UVRAG: variants seen among roughly 807,000 people sequenced by gnomAD.
UVRAG encodes the protein UV radiation resistance-associated gene protein.
Under a neutral mutation model 78.0 loss-of-function variants are expected in UVRAG, and 19 were observed. The observed-to-expected ratio is 0.24, with a 90% CI of 0.17 to 0.36. The LOEUF is 0.36. UVRAG is among the 10% of genes least tolerant of loss of function. The pLI, the probability that UVRAG is intolerant of heterozygous loss-of-function variation, is 1.00. For synonymous variants in UVRAG, 323 were observed against 324.6 expected, an observed-to-expected ratio of 1.00 and a Z score of 0.05; for missense variants, 740 against 853.8, an observed-to-expected ratio of 0.87 and a Z score of 1.66.
chr11:75,843,423 A>G (rs1945959053), intron 1 of UVRAG, among the ~76,000 whole-genome samples: 1 of 152,236 alleles, frequency 6.6e-6, no homozygotes, highest in South Asian at 2.1e-4. Context: ...TTACAGTATA[A>G]GTTCTTTCCC....
chr11:76,063,951 A>G (rs1165913472), intron 12 of UVRAG, among the ~76,000 whole-genome samples: 1 of 152,252 alleles, frequency 6.6e-6, no homozygotes, highest in Non-Finnish European at 1.5e-5. Context: ...CTATTATACT[A>G]TTCAACTTCA....
chr11:75,896,739 A>G (rs916917852), intron 5 of UVRAG, among the ~76,000 whole-genome samples: 5 of 152,230 alleles, frequency 3.3e-5, no homozygotes, highest in South Asian at 2.1e-4. Flanking sequence ...GAGAATAAAA[A>G]TCTTGAGTAG....
At chr11:75,850,320 C>T (rs1485061455) in intron 1 of UVRAG, among the ~76,000 whole-genome samples, 1 of 152,184 alleles carries the variant, frequency 6.6e-6, no homozygotes, top group African/African-American at 2.4e-5. Flanking sequence ...CAGGAATCTT[C>T]TTTCCTAAAC....
chr11:76,130,873 G>T (rs988039190), intron 14 of UVRAG, among the ~76,000 whole-genome samples: 6 of 151,904 alleles, frequency 3.9e-5, no homozygotes, highest in African/African-American at 1.4e-4. Flanking sequence ...CTGGGGGCTG[G>T]GTTCTGTGAG....
chr11:76,103,076 T>G lies in UVRAG; in HGVS notation c.1306-12848T>G, dbSNP rs548257382. 6.6e-5 allele frequency among the ~76,000 whole-genome samples: 10 copies of G among 152,332 alleles called. No homozygotes were observed. The South Asian group carries it at 2.1e-3, about 32-fold the overall frequency. ...TGCTACTAGAAGCTATCCACATTTC[T>G]TCTTACATGACCCTCCATCTTCAGA... is the stretch of plus-strand genomic sequence containing the variant. On this transcript the variant is annotated intron_variant, in intron 13 of 14. Coordinates refer to ENST00000356136, the MANE Select transcript of UVRAG (RefSeq NM_003369.4).
intron 12 of UVRAG, among the ~76,000 whole-genome samples, chr11:76,062,387 A>G (rs750441364): frequency 3.9e-5 from 6 of 152,200 alleles, no homozygotes; most frequent in Non-Finnish European, 8.8e-5. Context: ...GCCCTTCTCT[A>G]CTTGGCTGCC....
chr11:75,977,449 C>G (rs1309399336), intron 7 of UVRAG, among the ~76,000 whole-genome samples: 2 of 152,130 alleles, frequency 1.3e-5, no homozygotes, highest in East Asian at 3.8e-4. Flanking sequence ...TCTCGTTGAT[C>G]TGTCTAATGT....
chr11:76,058,533 CCAA>C (rs1951023836), intron 12 of UVRAG, among the ~76,000 whole-genome samples: 1 of 93,206 alleles, frequency 1.1e-5, no homozygotes, highest in African/African-American at 3.7e-5. Context: ...GACCCTATCT[CCAA>C]AAAAAAAAAA....
intron 8 of UVRAG, among the ~76,000 whole-genome samples, chr11:75,986,496 A>G (rs1393105181): frequency 1.3e-5 from 2 of 152,132 alleles, no homozygotes; most frequent in African/African-American, 4.8e-5. Context: ...TGCTGTGGTT[A>G]TTTATTTACA....
Position 76,099,645 on chromosome 11 carries a change from C to G in UVRAG, c.1306-16279C>G, listed in dbSNP as rs1951845835. On this transcript the variant is annotated intron_variant, in intron 13 of 14. Coordinates refer to ENST00000356136, the MANE Select transcript of UVRAG (RefSeq NM_003369.4). ...ACTTACTAATATCTTCTTTTACATCCCTCAATAGAATATTAAAGTTTTCTT... is the reference window on the plus strand; with the variant it reads ...ACTTACTAATATCTTCTTTTACATCGCTCAATAGAATATTAAAGTTTTCTT... Among the ~76,000 whole-genome samples, 4 of 151,964 alleles carry G rather than the reference C, an allele frequency of 2.6e-5. No individual in the cohort carries two copies. In the South Asian group the frequency reaches 8.3e-4, roughly 32 times the overall value.
intron 12 of UVRAG, 100 bp from the exon 13 acceptor site, chr11:76,065,610 T>C: frequency 1.0e-6 from 1 of 969,140 alleles, no homozygotes; most frequent in Non-Finnish European, 1.6e-6. Flanking sequence ...CCAATTCAGA[T>C]GTTTATGCTG....
In UVRAG at chr11:76,107,813, A is replaced by G. The variant is rs143255563; in HGVS notation, c.1306-8111A>G. 5.7e-3 allele frequency among the ~76,000 whole-genome samples: 873 copies of G among 152,136 alleles called. 6 individuals carry two copies. Among genetic ancestry groups the G allele is most frequent in the African/African-American group, 0.02 (829 of 41,496 alleles). On this transcript the variant is annotated intron_variant, in intron 13 of 14. Coordinates refer to ENST00000356136, the MANE Select transcript of UVRAG (RefSeq NM_003369.4). ...TGGTACTCTTTTTTTTCAAGCGCATAATCTAGTTCTTTTCATGTCAGTGAA... is the reference window on the plus strand; with the variant it reads ...TGGTACTCTTTTTTTTCAAGCGCATGATCTAGTTCTTTTCATGTCAGTGAA...
intron 13 of UVRAG, among the ~76,000 whole-genome samples, chr11:76,071,314 T>C (rs2134392911): frequency 6.6e-6 from 1 of 152,276 alleles, no homozygotes; most frequent in East Asian, 1.9e-4. Flanking sequence ...AGAAAGTTCC[T>C]GAAGGTCATG....
intron 5 of UVRAG, among the ~76,000 whole-genome samples, chr11:75,908,348 C>A (rs1947662882): frequency 6.6e-6 from 1 of 152,094 alleles, no homozygotes; most frequent in African/African-American, 2.4e-5. Flanking sequence ...TGCTTCCACC[C>A]CTTGGCTATT....
rs1949901965 is a variant in UVRAG at position 76,005,000 on chromosome 11, C to G, written c.911+911C>G. 3.3e-5 allele frequency among the ~76,000 whole-genome samples: 5 copies of G among 152,124 alleles called. No homozygotes were observed. In the South Asian group the frequency reaches 1.0e-3, roughly 31 times the overall value. ...TCTTCACTTGCTTTTCCTGGAAAAT[C>G]CATCCATCATGCACTTTTCTTCAAA... On this transcript the variant is annotated intron_variant, in intron 9 of 14. Transcript: ENST00000356136.
chr11:76,046,850 G>A (rs550119126), intron 12 of UVRAG, among the ~76,000 whole-genome samples: 85 of 152,312 alleles, frequency 5.6e-4, no homozygotes, highest in African/African-American at 2.0e-3. Context: ...TAAGCTTGGA[G>A]GTCTAGGAAT....
chr11:75,911,692 G>T, intron 5 of UVRAG: 1 of 280,612 alleles, frequency 3.6e-6, no homozygotes, highest in Non-Finnish European at 6.7e-6. Context: ...TGGGAGGGAA[G>T]GCCGCGGGAC....
At chr11:75,930,623 G>C (rs1372461095) in intron 6 of UVRAG, among the ~76,000 whole-genome samples, 1 of 152,174 alleles carries the variant, frequency 6.6e-6, no homozygotes, top group Non-Finnish European at 1.5e-5. Context: ...ACACGGAGCT[G>C]TCCCCTGTAG....
rs79581934 is a variant in UVRAG, at chr11:75,952,220, A to G, written c.594-9224A>G. Among the ~76,000 whole-genome samples the G allele has an allele frequency of 4.9e-3, 752 of 152,244 alleles. 7 individuals carry two copies. Among genetic ancestry groups the G allele is most frequent in the African/African-American group, 0.017 (708 of 41,552 alleles). On this transcript the variant is annotated intron_variant, in intron 6 of 14. Transcript: ENST00000356136. ...ATTTTTCTACATACACAATCATAGC[A>G]CCTTTAAGTAGATTTGCTTCTTCCT...
Sources: gnomAD v4.1 joint callset for allele counts (sites outside exome capture counted in the v4.1 genomes callset) on GRCh38, gnomAD v4.1.1 for gene constraint, MANE v1.5 for transcripts, NCBI Gene and HGNC (gene_info 2026-07-23, HGNC 2026-07-21) for gene names.